Variants in AGBL3 observed in about 807,000 individuals in gnomAD.
AGBL3 encodes the protein cytosolic carboxypeptidase 3.
In AGBL3, 68 loss-of-function variants were observed where a neutral mutation model predicts 94.5. That is an observed-to-expected ratio of 0.72 (90% confidence interval 0.59 to 0.88). The LOEUF is 0.88. Among genes scored for constraint, AGBL3 ranks in the 40% least tolerant of loss-of-function variants. The pLI, the probability that AGBL3 is intolerant of heterozygous loss-of-function variation, is 0.00. For missense variants in AGBL3, 934 were observed against 1,103.8 expected (o/e 0.85, Z 2.18); for synonymous variants, 354 against 370.7 (o/e 0.95, Z 0.52).
chr7:135,125,895 C>G (rs1827804653), intron 16 of AGBL3, among the ~76,000 whole-genome samples: 1 of 152,062 alleles, frequency 6.6e-6, no homozygotes. Context: ...GAACATATCT[C>G]AAAATAATGA....
In AGBL3 at chr7:135,028,798, T is replaced by C. The variant is rs138075465; in HGVS notation, c.419-4046T>C. Among the ~76,000 whole-genome samples, 142 of 152,340 alleles carry C rather than the reference T, an allele frequency of 9.3e-4. 2 individuals are homozygous for C. Among genetic ancestry groups the C allele is most frequent in the African/African-American group, 3.2e-3 (135 of 41,582 alleles). ...GAATAGTAATTCTCTAGGCCAGCTA[T>C]AGCCTTACAAAATCTATTTCTTAAA... is the stretch of plus-strand genomic sequence containing the variant. On this transcript the variant is annotated intron_variant, in intron 5 of 16. Transcript: ENST00000436302.
At chr7:135,020,977 C>T (rs1472500157) in intron 5 of AGBL3, among the ~76,000 whole-genome samples, 2 of 151,222 alleles carry the variant, frequency 1.3e-5, no homozygotes, top group Non-Finnish European at 1.5e-5. Context: ...TTAATGGGTG[C>T]AGCACACCAA....
At chr7:135,121,055 A>G (rs1356510232) in intron 16 of AGBL3, among the ~76,000 whole-genome samples, 3 of 152,172 alleles carry the variant, frequency 2.0e-5, no homozygotes. Context: ...AATACAAAAA[A>G]TTAGCCGGGT....
chr7:135,062,087 T>C (rs969598056), intron 12 of AGBL3, among the ~76,000 whole-genome samples: 2 of 152,070 alleles, frequency 1.3e-5, no homozygotes, highest in African/African-American at 4.8e-5. Flanking sequence ...TGTTTTATAA[T>C]TGTCAGTATA....
chr7:135,029,411 T>C (rs1287874292), intron 5 of AGBL3, among the ~76,000 whole-genome samples: 2 of 152,210 alleles, frequency 1.3e-5, no homozygotes, highest in African/African-American at 4.8e-5. Flanking sequence ...TGTACTTTCA[T>C]GTTATTAATA....
chr7:135,051,045 G>A (rs2116617990), intron 11 of AGBL3: 2 of 443,850 alleles, frequency 4.5e-6, no homozygotes, highest in South Asian at 1.6e-5. Flanking sequence ...TTATTGAGAT[G>A]ACACAAAAGC....
chr7:135,101,164 T>A (rs1330226506), intron 15 of AGBL3: 2 of 455,636 alleles, frequency 4.4e-6, no homozygotes, highest in South Asian at 1.6e-5. Context: ...AGGAAAAAAA[T>A]TCCCCTCAAG....
At chr7:135,077,890 G>T (rs976911783) in intron 13 of AGBL3, among the ~76,000 whole-genome samples, 1 of 152,182 alleles carries the variant, frequency 6.6e-6, no homozygotes, top group Non-Finnish European at 1.5e-5. Context: ...CCTGCTGCTG[G>T]CTGCAACCAA....
At chr7:135,065,218 G>A (rs946154879) in intron 12 of AGBL3, among the ~76,000 whole-genome samples, 5 of 152,320 alleles carry the variant, frequency 3.3e-5, no homozygotes, top group African/African-American at 4.8e-5. Context: ...TTTTGTGTTC[G>A]TGAATCAGAA....
At chr7:135,009,496 TTTG>T (rs1812829512) in intron 4 of AGBL3, among the ~76,000 whole-genome samples, 4 of 152,154 alleles carry the variant, frequency 2.6e-5, no homozygotes, top group Non-Finnish European at 4.4e-5. Flanking sequence ...TGGGATTTTT[TTTG>T]ATTGTTTTTT....
At chr7:135,128,429 C>T in intron 16 of AGBL3, 1 of 666,360 alleles carries the variant, frequency 1.5e-6, no homozygotes. Context: ...TGGTTTTGTT[C>T]CTCAGAAAAT....
At chr7:135,037,660 T>C in intron 8 of AGBL3, 80 bp downstream of exon 8, 2 of 1,222,112 alleles carry the variant, frequency 1.6e-6, no homozygotes, top group Non-Finnish European at 2.2e-6. Context: ...ACGTGGATAA[T>C]ACTATTCCAA....
At chr7:135,020,810 C>CA (rs1225766109) in intron 5 of AGBL3, among the ~76,000 whole-genome samples, 1 of 149,214 alleles carries the variant, frequency 6.7e-6, no homozygotes, top group East Asian at 2.0e-4. Context: ...ATCGCAAGGC[C>CA]AAAAAACCAA....
chr7:134,989,309 A>T lies in AGBL3; in HGVS notation c.123A>T (p.Thr41=). 6.5e-7 allele frequency: 1 copy of T among 1,544,172 alleles called. No homozygotes were observed. Among genetic ancestry groups the T allele is most frequent in the East Asian group, 2.5e-5 (1 of 40,518 alleles). ...ATCTTCATCGGTGTGCACTTTTAAC[A>T]GGTTTGAACCTATTCATATAGTTTT... ...SEDLHRCALL[T]ADSFGDPFFP... is the part of the protein sequence containing the mutation. The change falls in exon 3 of 17, where the codon ACA becomes ACT. Residue 41 remains threonine, a splice_region_variant and synonymous_variant. Coordinates refer to ENST00000436302, the MANE Select transcript of AGBL3 (RefSeq NM_178563.4).
At chr7:135,096,783 G>GAAAGAAAGAAAGA (rs1473386036) in intron 15 of AGBL3, among the ~76,000 whole-genome samples, 1 of 148,748 alleles carries the variant, frequency 6.7e-6, no homozygotes, top group African/African-American at 2.5e-5. Context: ...AAGAAAGAAA[G>GAAAGAAAGAAAGA]AAAGAAAGAA....
rs948169143 is a variant in AGBL3, at chr7:135,115,418, A to C, written c.2149A>C (p.Ile717Leu). 1.9e-6 allele frequency: 3 copies of C among 1,551,308 alleles called. No homozygotes were observed. The highest frequency in any genetic ancestry group is 2.6e-6 in the Non-Finnish European group (3 of 1,146,768). Residue 717 changes from isoleucine to leucine, a missense_variant, in exon 16 of 17, where the codon ATA (isoleucine) becomes CTA (leucine). Transcript: ENST00000436302. ...CTTAAAAAGCAAAATAAAAGAATGC[A>C]TATCTTTCCAAAGCAAGAAGACTGG... Reference protein sequence around the residue: ...HNLKSKIKECISFQSKKTGIN... With the variant: ...HNLKSKIKECLSFQSKKTGIN...
chr7:135,104,613 T>C (rs968513906), intron 15 of AGBL3, among the ~76,000 whole-genome samples: 2 of 152,214 alleles, frequency 1.3e-5, no homozygotes, highest in African/African-American at 4.8e-5. Context: ...TTTTTAATAA[T>C]AGTCATTCTG....
In AGBL3 at chr7:135,072,313, G is replaced by T. The variant is rs1240798812; in HGVS notation, c.1909-4084G>T. ...AAATAGGAACACTTTCACACTGTTGGTGGGAGTGTAAACTAGTTCAACCAT... is the reference window on the plus strand; with the variant it reads ...AAATAGGAACACTTTCACACTGTTGTTGGGAGTGTAAACTAGTTCAACCAT... On this transcript the variant is annotated intron_variant, in intron 12 of 16. Transcript: ENST00000436302. Among the ~76,000 whole-genome samples the T allele has an allele frequency of 5.3e-5, 8 of 152,334 alleles. No individual in the cohort carries two copies. In the East Asian group the frequency reaches 1.5e-3, roughly 29 times the overall value.
At chr7:135,061,495 C>CT (rs1818837555) in intron 12 of AGBL3, among the ~76,000 whole-genome samples, 1 of 152,038 alleles carries the variant, frequency 6.6e-6, no homozygotes, top group South Asian at 2.1e-4. Context: ...TTCCCCTATA[C>CT]TTTTTTCAGT....
Sources: gnomAD v4.1 joint callset for allele counts (sites outside exome capture counted in the v4.1 genomes callset) on GRCh38, gnomAD v4.1.1 for gene constraint, MANE v1.5 for transcripts, NCBI Gene and HGNC (gene_info 2026-07-23, HGNC 2026-07-21) for gene names.